ROBO1: variants seen among roughly 807,000 people sequenced by gnomAD.
ROBO1 encodes the protein roundabout guidance receptor 1, also known as roundabout homolog 1.
In ROBO1, 149 loss-of-function variants were observed where a neutral mutation model predicts 195.9. That is an observed-to-expected ratio of 0.76 (90% CI 0.67 to 0.87). The LOEUF (loss-of-function observed/expected upper bound fraction) is 0.87, where lower values mean the gene tolerates loss of function less well. Ranked by LOEUF, ROBO1 falls within the 40% of genes least tolerant of loss-of-function variation. The probability of loss-of-function intolerance (pLI) is 0.00; values close to 1 mark genes in which losing one functional copy is unlikely to be tolerated. For missense variants in ROBO1, 1,933 were observed against 2,068.3 expected (o/e 0.93, Z 1.27); for synonymous variants, 816 against 733.2 (o/e 1.11, Z -1.82).
intron 1 of ROBO1, among the ~76,000 whole-genome samples, chr3:79,619,883 C>T (rs1944949063): frequency 6.6e-6 from 1 of 152,116 alleles, no homozygotes; most frequent in Admixed American, 6.5e-5. Context: ...GCCCTCAAAC[C>T]CCACAACAGG....
intron 29 of ROBO1, 101 bp downstream of exon 29, chr3:78,606,632 T>G: frequency 8.3e-7 from 1 of 1,210,170 alleles, no homozygotes; most frequent in Non-Finnish European, 1.2e-6. Flanking sequence ...GAGAGCAAAC[T>G]TCTTAATCTT....
At chr3:79,532,822 C>G (rs73116833) in intron 2 of ROBO1, among the ~76,000 whole-genome samples, 1 of 152,068 alleles carries the variant, frequency 6.6e-6, no homozygotes, top group Non-Finnish European at 1.5e-5. Context: ...AACAGAGAGG[C>G]CTCCTAGTTT....
At chr3:79,521,863 T>G (rs1941223414) in intron 2 of ROBO1, among the ~76,000 whole-genome samples, 1 of 152,112 alleles carries the variant, frequency 6.6e-6, no homozygotes, top group Non-Finnish European at 1.5e-5. Flanking sequence ...CTACCTTGAA[T>G]GTGCCTTGGA....
chr3:79,224,759 T>C (rs2082196648), intron 2 of ROBO1, among the ~76,000 whole-genome samples: 1 of 152,238 alleles, frequency 6.6e-6, no homozygotes, highest in Non-Finnish European at 1.5e-5. Flanking sequence ...TAGCAATTAT[T>C]TGTTGAACCC....
At chr3:78,971,883 A>C (rs889511930) in intron 3 of ROBO1, among the ~76,000 whole-genome samples, 48 of 152,184 alleles carry the variant, frequency 3.2e-4, no homozygotes, top group African/African-American at 9.4e-4. Context: ...TTCCTGCCTC[A>C]ATCTCCAGAG....
At chr3:79,550,195 GGA>G (rs1247367999) in intron 2 of ROBO1, among the ~76,000 whole-genome samples, 1,199 of 100,538 alleles carry the variant, frequency 0.012, 30 homozygotes, top group African/African-American at 0.048. Context: ...AAGAAAGAAA[GGA>G]AAAGAAAAGA....
At chr3:78,695,896 T>C (rs535127174) in intron 8 of ROBO1, among the ~76,000 whole-genome samples, 23 of 152,128 alleles carry the variant, frequency 1.5e-4, no homozygotes, top group Middle Eastern at 6.8e-3. Context: ...GTCATTAATA[T>C]GGACTATGTA....
chr3:79,575,099 AAT>A (rs1157012104), intron 2 of ROBO1, among the ~76,000 whole-genome samples: 7 of 131,784 alleles, frequency 5.3e-5, no homozygotes, highest in South Asian at 2.3e-4. Context: ...AATGAAAACA[AAT>A]ATATATATAT....
chr3:78,982,689 C>T (rs770755479), intron 3 of ROBO1, among the ~76,000 whole-genome samples: 5 of 151,844 alleles, frequency 3.3e-5, no homozygotes, highest in African/African-American at 4.8e-5. Context: ...AGTGTAGTGG[C>T]GTGATCTCGG....
chr3:79,550,297 T>C (rs1340930379), intron 2 of ROBO1, among the ~76,000 whole-genome samples: 2 of 152,088 alleles, frequency 1.3e-5, no homozygotes, highest in Admixed American at 1.3e-4. Context: ...CTCATTTTTA[T>C]AAGAAGCACT....
intron 2 of ROBO1, among the ~76,000 whole-genome samples, chr3:79,409,927 T>G (rs2037697998): frequency 6.6e-6 from 1 of 152,124 alleles, no homozygotes; most frequent in Admixed American, 6.6e-5. Context: ...CCAAGCATTA[T>G]TTGCACATAT....
intron 1 of ROBO1, among the ~76,000 whole-genome samples, chr3:79,594,271 G>A (rs1211665529): frequency 2.0e-5 from 3 of 151,908 alleles, no homozygotes; most frequent in Non-Finnish European, 4.4e-5. Context: ...GTATTTGTAT[G>A]TTCTCTCAGT....
intron 1 of ROBO1, among the ~76,000 whole-genome samples, chr3:79,592,823 C>T (rs954844483): frequency 1.3e-5 from 2 of 152,036 alleles, no homozygotes; most frequent in Non-Finnish European, 2.9e-5. Context: ...ATGTATATGA[C>T]ACATATCAAA....
At chr3:78,881,345 C>A (rs1205479013) in intron 4 of ROBO1, among the ~76,000 whole-genome samples, 1 of 152,102 alleles carries the variant, frequency 6.6e-6, no homozygotes, top group Non-Finnish European at 1.5e-5. Flanking sequence ...TCATAGACTG[C>A]GCTTTTCACA....
At chr3:78,808,235 C>T (rs769273694) in intron 4 of ROBO1, among the ~76,000 whole-genome samples, 7 of 152,120 alleles carry the variant, frequency 4.6e-5, no homozygotes, top group Non-Finnish European at 8.8e-5. Flanking sequence ...GACAGACTCT[C>T]GCTCGATTGC....
At chr3:78,888,082 T>C (rs1408665089) in intron 4 of ROBO1, among the ~76,000 whole-genome samples, 2 of 152,218 alleles carry the variant, frequency 1.3e-5, no homozygotes, top group African/African-American at 4.8e-5. Context: ...ACAGACATTG[T>C]ATTTCTTAGA....
intron 1 of ROBO1, among the ~76,000 whole-genome samples, chr3:79,597,204 G>A (rs781762333): frequency 6.6e-6 from 1 of 151,832 alleles, no homozygotes; most frequent in Admixed American, 6.6e-5. Context: ...AATACGGTGT[G>A]TATAAGTCCG....
intron 3 of ROBO1, among the ~76,000 whole-genome samples, chr3:78,997,332 T>C (rs1329010975): frequency 6.6e-6 from 1 of 152,154 alleles, no homozygotes; most frequent in Admixed American, 6.6e-5. Context: ...ACCACTAGCA[T>C]ATAGGTTCCA....
At chr3:78,890,108 T>C (rs1351995869) in intron 4 of ROBO1, among the ~76,000 whole-genome samples, 1 of 152,128 alleles carries the variant, frequency 6.6e-6, no homozygotes, top group Non-Finnish European at 1.5e-5. Context: ...GCCATCTTTT[T>C]CCCATTACAG....
Sources: gnomAD v4.1 joint callset for allele counts (sites outside exome capture counted in the v4.1 genomes callset) on GRCh38, gnomAD v4.1.1 for gene constraint, MANE v1.5 for transcripts, NCBI Gene and HGNC (gene_info 2026-07-23, HGNC 2026-07-21) for gene names.